The following FOXP2 variants were observed in gnomAD, a reference collection of about 807,000 sequenced individuals.
FOXP2 encodes the protein forkhead box protein P2.
A neutral mutation model predicts 115.8 loss-of-function variants in FOXP2; 12 were observed. The ratio of observed to expected loss-of-function variants is 0.10; its 90% CI spans 0.07 to 0.17. The LOEUF (loss-of-function observed/expected upper bound fraction) is 0.17. FOXP2 is among the 10% of genes least tolerant of loss of function. FOXP2 has a pLI of 1.00. For synonymous variants in FOXP2, 328 were observed against 297.7 expected (o/e 1.10, Z -1.05); for missense variants, 629 against 843.5 (o/e 0.75, Z 3.15).
intron 1 of FOXP2, among the ~76,000 whole-genome samples, chr7:114,172,156 A>T (rs1391594979): frequency 1.3e-5 from 2 of 152,212 alleles, no homozygotes; most frequent in African/African-American, 2.4e-5. Context: ...TTGCATACTT[A>T]ATCTACTACA....
upstream of FOXP2, among the ~76,000 whole-genome samples, chr7:114,413,588 G>A (rs1022028974): frequency 2.8e-4 from 42 of 152,098 alleles, no homozygotes; most frequent in African/African-American, 9.7e-4. Flanking sequence ...TAAAGAATAA[G>A]TGCTTTCAGT....
chr7:114,218,157 A>T (rs1239898548), intron 1 of FOXP2, among the ~76,000 whole-genome samples: 1 of 152,168 alleles, frequency 6.6e-6, no homozygotes, highest in East Asian at 1.9e-4. Flanking sequence ...GGCTGAAATG[A>T]TCTTAATCCT....
intron 3 of FOXP2, among the ~76,000 whole-genome samples, chr7:114,587,048 A>G (rs1202076174): frequency 6.7e-6 from 1 of 150,210 alleles, no homozygotes. Context: ...ATTTATTTTT[A>G]TGTGCTATTT....
intron 2 of FOXP2, among the ~76,000 whole-genome samples, chr7:114,315,202 A>G (rs1797246650): frequency 6.6e-6 from 1 of 152,178 alleles, no homozygotes; most frequent in African/African-American, 2.4e-5. Context: ...TGGGAATTTA[A>G]TAGGCAATGG....
At chr7:114,411,509 TGTAAAAC>T (rs1204250192), upstream of FOXP2, among the ~76,000 whole-genome samples, 1 of 152,166 alleles carries the variant, frequency 6.6e-6, no homozygotes, top group Non-Finnish European at 1.5e-5. Flanking sequence ...ACAGTACTGC[TGTAAAAC>T]AAAGCAGGCA....
chr7:114,120,883 G>T (rs141635648), intron 1 of FOXP2, among the ~76,000 whole-genome samples: 7 of 152,034 alleles, frequency 4.6e-5, no homozygotes, highest in African/African-American at 1.7e-4. Flanking sequence ...CCAGTGGTTT[G>T]TCTTAGAGCC....
In FOXP2 at chr7:114,474,835, A is replaced by T. The variant is rs201884532; in HGVS notation, c.168+48156A>T. Among the ~76,000 whole-genome samples the T allele has an allele frequency of 4.2e-4, 63 of 151,722 alleles. No individual in the cohort carries two copies. The East Asian group carries it at 8.3e-3, about 20-fold the overall frequency. The stretch of plus-strand genomic sequence containing the variant: ...TTGTCTGTCAATCTCACATATTCAT[A>T]TTTTTTTTCAAACTGGCATCTCTTG... On this transcript the variant is annotated intron_variant, in intron 2 of 16. Transcript: ENST00000350908.
intron 2 of FOXP2, among the ~76,000 whole-genome samples, chr7:114,501,516 T>C (rs895821757): frequency 6.6e-6 from 1 of 152,098 alleles, no homozygotes; most frequent in Non-Finnish European, 1.5e-5. Flanking sequence ...CTGTATCTTC[T>C]TCAGCTTACT....
intron 1 of FOXP2, among the ~76,000 whole-genome samples, chr7:114,229,687 T>C (rs1012679595): frequency 3.3e-5 from 5 of 151,362 alleles, no homozygotes; most frequent in Non-Finnish European, 7.4e-5. Flanking sequence ...GAAAAATCTC[T>C]TGAGATTAAA....
At chr7:114,609,145 G>A (rs1022129904) in intron 3 of FOXP2, among the ~76,000 whole-genome samples, 2 of 151,720 alleles carry the variant, frequency 1.3e-5, no homozygotes, top group African/African-American at 2.4e-5. Context: ...CCCAGGAGTC[G>A]GAGGTTACAG....
upstream of FOXP2, among the ~76,000 whole-genome samples, chr7:114,410,152 C>G (rs1793129222): frequency 1.3e-5 from 2 of 152,082 alleles, 1 homozygote; most frequent in Admixed American, 1.3e-4. Flanking sequence ...TCAGAACACA[C>G]ACCACTAAAT....
chr7:114,554,732 T>C (rs912565890), intron 3 of FOXP2, among the ~76,000 whole-genome samples: 6 of 152,198 alleles, frequency 3.9e-5, no homozygotes, highest in African/African-American at 1.4e-4. Flanking sequence ...TAAATTAAGT[T>C]CTTTCCAGAA....
intron 1 of FOXP2, among the ~76,000 whole-genome samples, chr7:114,113,829 C>T (rs988603874): frequency 6.6e-6 from 1 of 151,990 alleles, no homozygotes; most frequent in Non-Finnish European, 1.5e-5. Context: ...ATATTTAAAG[C>T]AGTGACAGTT....
chr7:114,512,577 A>T (rs1798128557), intron 2 of FOXP2, among the ~76,000 whole-genome samples: 1 of 152,158 alleles, frequency 6.6e-6, no homozygotes, highest in Non-Finnish European at 1.5e-5. Context: ...AGGTTTGCTC[A>T]GTGATTTCTG....
chr7:114,592,667 A>G (rs957031706), intron 3 of FOXP2, among the ~76,000 whole-genome samples: 1 of 152,046 alleles, frequency 6.6e-6, no homozygotes, highest in African/African-American at 2.4e-5. Context: ...CTTTGGACTA[A>G]TAAGGATTCT....
intron 2 of FOXP2, among the ~76,000 whole-genome samples, chr7:114,293,854 T>C (rs188876361): frequency 1.3e-5 from 2 of 152,322 alleles, no homozygotes; most frequent in Admixed American, 1.3e-4. Context: ...GAGGTATTTC[T>C]TCATAGGAGC....
chr7:114,551,070 G>A (rs1800182653), intron 3 of FOXP2, among the ~76,000 whole-genome samples: 1 of 152,042 alleles, frequency 6.6e-6, no homozygotes, highest in Non-Finnish European at 1.5e-5. Flanking sequence ...GAAATAAATT[G>A]AAAAGCTAAT....
chr7:114,203,367 CTG>C (rs1794121499), intron 1 of FOXP2, among the ~76,000 whole-genome samples: 1 of 152,156 alleles, frequency 6.6e-6, no homozygotes, highest in Non-Finnish European at 1.5e-5. Flanking sequence ...GAATCTCACT[CTG>C]TAGCCCAGGC....
At chr7:114,269,966 G>C (rs957922879) in intron 1 of FOXP2, among the ~76,000 whole-genome samples, 1 of 152,064 alleles carries the variant, frequency 6.6e-6, no homozygotes, top group Non-Finnish European at 1.5e-5. Flanking sequence ...TATTGTTCCA[G>C]TGATTTAACC....
Sources: gnomAD v4.1 joint callset for allele counts (sites outside exome capture counted in the v4.1 genomes callset) on GRCh38, gnomAD v4.1.1 for gene constraint, MANE v1.5 for transcripts, NCBI Gene and HGNC (gene_info 2026-07-23, HGNC 2026-07-21) for gene names.